The following XKR6 variants were observed in gnomAD, a reference collection of about 807,000 sequenced individuals.
XKR6 encodes the protein XK-related protein 6.
XKR6 carries 22 observed loss-of-function variants against 56.7 expected under a neutral mutation model. That is an observed-to-expected ratio of 0.39 (90% CI 0.28 to 0.55). XKR6 has a LOEUF of 0.55. Among genes scored for constraint, XKR6 ranks in the 20% least tolerant of loss-of-function variants. XKR6 has a pLI of 0.66. For synonymous variants in XKR6, 524 were observed against 387.8 expected (o/e 1.35, Z -4.13); for missense variants, 852 against 889.0 (o/e 0.96, Z 0.53).
At chr8:11,019,775 TA>T (rs1798708688) in intron 1 of XKR6, among the ~76,000 whole-genome samples, 1 of 152,152 alleles carries the variant, frequency 6.6e-6, no homozygotes, top group Non-Finnish European at 1.5e-5. Flanking sequence ...AACCTTCAGC[TA>T]AAAGTAGGAG....
intron 1 of XKR6, among the ~76,000 whole-genome samples, chr8:11,101,430 G>C (rs1364717115): frequency 6.6e-6 from 1 of 152,176 alleles, no homozygotes; most frequent in Non-Finnish European, 1.5e-5. Flanking sequence ...CAGTGACCTA[G>C]TGAATTTTGT....
intron 1 of XKR6, among the ~76,000 whole-genome samples, chr8:11,076,530 G>C (rs1003601819): frequency 6.6e-6 from 1 of 152,204 alleles, no homozygotes; most frequent in Non-Finnish European, 1.5e-5. Flanking sequence ...CCAGGGACTA[G>C]GTGAGAGTCT....
chr8:10,970,915 C>G (rs1802390616), intron 1 of XKR6, among the ~76,000 whole-genome samples: 1 of 151,676 alleles, frequency 6.6e-6, no homozygotes, highest in Admixed American at 6.6e-5. Flanking sequence ...GAAGAGGTCT[C>G]TCTCCTAAGG....
intron 2 of XKR6, among the ~76,000 whole-genome samples, chr8:10,902,348 C>G (rs1415400944): frequency 6.6e-6 from 1 of 152,212 alleles, no homozygotes; most frequent in East Asian, 1.9e-4. Flanking sequence ...TCTAGGGGAG[C>G]TTCCCAGACC....
chr8:10,986,254 C>A (rs894688511), intron 1 of XKR6, among the ~76,000 whole-genome samples: 5 of 152,158 alleles, frequency 3.3e-5, no homozygotes, highest in African/African-American at 1.2e-4. Flanking sequence ...ATACCAACTT[C>A]ACAACGTATG....
At chr8:10,983,961 A>G (rs1797794606) in intron 1 of XKR6, among the ~76,000 whole-genome samples, 1 of 152,106 alleles carries the variant, frequency 6.6e-6, no homozygotes, top group African/African-American at 2.4e-5. Context: ...GGCCTTACAT[A>G]TTCTTTTTAT....
chr8:11,086,148 A>ATATATATATT (rs71203369), intron 1 of XKR6, among the ~76,000 whole-genome samples: 8 of 120,722 alleles, frequency 6.6e-5, no homozygotes, highest in African/African-American at 3.1e-4. Context: ...ATATATATAT[A>ATATATATATT]TTTTTTTTTA....
intron 1 of XKR6, among the ~76,000 whole-genome samples, chr8:11,033,325 G>C (rs1013914860): frequency 3.3e-5 from 5 of 149,900 alleles, no homozygotes; most frequent in South Asian, 4.2e-4. Flanking sequence ...GATGACGATA[G>C]TGATGGTGAT....
chr8:11,063,975 T>C (rs138435133), intron 1 of XKR6, among the ~76,000 whole-genome samples: 1 of 152,344 alleles, frequency 6.6e-6, no homozygotes, highest in East Asian at 1.9e-4. Flanking sequence ...ACAAAAAGCT[T>C]ACTGAGTGCC....
chr8:11,152,810 T>A (rs1801331716), intron 1 of XKR6, among the ~76,000 whole-genome samples: 1 of 152,178 alleles, frequency 6.6e-6, no homozygotes, highest in Non-Finnish European at 1.5e-5. Flanking sequence ...TAAACAAATA[T>A]AATTATCCAA....
intron 1 of XKR6, among the ~76,000 whole-genome samples, chr8:10,967,956 A>G (rs1482157711): frequency 6.6e-6 from 1 of 152,146 alleles, no homozygotes; most frequent in Non-Finnish European, 1.5e-5. Flanking sequence ...AGGAGATTCC[A>G]TCAGAGCCCA....
At chr8:11,168,914 G>C (rs1167194797) in intron 1 of XKR6, among the ~76,000 whole-genome samples, 1 of 152,216 alleles carries the variant, frequency 6.6e-6, no homozygotes, top group Non-Finnish European at 1.5e-5. Flanking sequence ...CATGTACGCA[G>C]TGGGCTCTGT....
chr8:10,908,664 C>G (rs1800252785), intron 2 of XKR6, among the ~76,000 whole-genome samples: 1 of 152,154 alleles, frequency 6.6e-6, no homozygotes, highest in African/African-American at 2.4e-5. Flanking sequence ...CCCCGACCAC[C>G]ACACTTAAAA....
intron 1 of XKR6, among the ~76,000 whole-genome samples, chr8:11,136,505 A>G: frequency 1.8e-5 from 1 of 54,454 alleles, no homozygotes; most frequent in African/African-American, 7.8e-5. Context: ...ACTCTGTCTC[A>G]AAAAAAAAAA....
rs184157479 is a variant in XKR6 at position 11,000,079 on chromosome 8, T to A, written c.765-75249A>T. Among the ~76,000 whole-genome samples, 24 of 152,258 alleles carry A rather than the reference T, an allele frequency of 1.6e-4. 1 individual carries two copies. In the East Asian group the frequency reaches 4.6e-3, roughly 29 times the overall value. On this transcript the variant is annotated intron_variant, in intron 1 of 2. Transcript: ENST00000416569. ...AAGAACACCTAAGCCAACACACTCA[T>A]GTTAAAGACAAAGAAACAGACCCAT... is the stretch of plus-strand genomic sequence containing the variant.
chr8:11,048,254 C>T (rs149131634), intron 1 of XKR6, among the ~76,000 whole-genome samples: 125 of 152,234 alleles, frequency 8.2e-4, no homozygotes, highest in African/African-American at 2.9e-3. Context: ...AAGGGGAATC[C>T]GGCCCTTGTT....
chr8:11,064,404 T>C (rs564214479), intron 1 of XKR6, among the ~76,000 whole-genome samples: 1 of 152,318 alleles, frequency 6.6e-6, no homozygotes, highest in African/African-American at 2.4e-5. Context: ...TGGGCCATCA[T>C]CTGATCACAT....
chr8:11,026,791 A>C lies in XKR6; in HGVS notation c.765-101961T>G, dbSNP rs115746816. ...ATAGCCTAACCTACTACACACCTAGATGGTCTAGGCTACTACACCCTTAGA... is the reference window on the plus strand; with the variant it reads ...ATAGCCTAACCTACTACACACCTAGCTGGTCTAGGCTACTACACCCTTAGA... On this transcript the variant is annotated intron_variant, in intron 1 of 2. Transcript: ENST00000416569. Among the ~76,000 whole-genome samples the C allele has an allele frequency of 8.1e-3, 1,222 of 151,336 alleles. 14 individuals carry two copies. Among genetic ancestry groups the C allele is most frequent in the African/African-American group, 0.028 (1,148 of 40,942 alleles).
intron 1 of XKR6, among the ~76,000 whole-genome samples, chr8:11,175,923 T>C (rs938554342): frequency 1.2e-4 from 19 of 152,210 alleles, no homozygotes; most frequent in East Asian, 3.8e-4. Context: ...GTTAGCAACT[T>C]TGGTCTTCTC....
Sources: allele counts gnomAD v4.1 joint callset (sites outside exome capture counted in the v4.1 genomes callset), GRCh38; gene constraint gnomAD v4.1.1; transcripts MANE v1.5; gene names NCBI Gene and HGNC (gene_info 2026-07-23, HGNC 2026-07-21).